KRCC1: variants seen among roughly 807,000 people sequenced by gnomAD.
The protein encoded by KRCC1 is lysine-rich coiled-coil protein 1.
Under a neutral mutation model 7.4 loss-of-function variants are expected in KRCC1, and 3 were observed. That is an observed-to-expected ratio of 0.40 (90% confidence interval 0.18 to 1.04). The LOEUF is 1.04. KRCC1 is among the 50% of genes least tolerant of loss of function. The pLI is 0.33. For missense variants in KRCC1, 277 were observed against 300.9 expected (o/e 0.92, Z 0.59); for synonymous variants, 102 against 101.6 (o/e 1.00, Z -0.02).
intron 1 of KRCC1, among the ~76,000 whole-genome samples, chr2:88,052,675 C>T (rs772922758): frequency 1.3e-5 from 2 of 152,194 alleles, no homozygotes; most frequent in Non-Finnish European, 2.9e-5. Context: ...GCTAGGTGCA[C>T]ACGACTACCA....
At chr2:88,033,229 C>A (rs1673028616) in intron 3 of KRCC1, among the ~76,000 whole-genome samples, 1 of 151,734 alleles carries the variant, frequency 6.6e-6, no homozygotes, top group Admixed American at 6.6e-5. Flanking sequence ...GCTGTTTTTA[C>A]AAAGTCACTA....
chr2:88,041,510 T>C (rs1673210030), intron 1 of KRCC1, among the ~76,000 whole-genome samples: 1 of 152,334 alleles, frequency 6.6e-6, no homozygotes, highest in Non-Finnish European at 1.5e-5. Flanking sequence ...CTATGTCAAG[T>C]TGGGTTTAAA....
At chr2:88,040,360 A>G (rs906450330) in intron 1 of KRCC1, among the ~76,000 whole-genome samples, 1 of 152,170 alleles carries the variant, frequency 6.6e-6, no homozygotes, top group Non-Finnish European at 1.5e-5. Context: ...TTCAATACCT[A>G]TAACATTATT....
rs1016754323 is a variant in KRCC1 at position 88,055,650 on chromosome 2, CT to C, written c.-316del. 16 of 152,274 alleles carry C rather than the reference CT, an allele frequency of 1.1e-4. No individual in the cohort carries two copies. The highest frequency in any genetic ancestry group is 3.6e-4 in the African/African-American group (15 of 41,404). 9.4% of individuals were successfully genotyped at this position (152,274 alleles called of 1,614,324 possible). On this transcript the variant is annotated 5_prime_UTR_variant, in exon 1 of 4. Transcript: ENST00000347055. Reference sequence around the variant, plus strand: ...CCTTCTCTGAGGCAGGGGCGGGCGTCTACAACTACTGTCCCCCGCCCCGCCA... The same window carrying C: ...CCTTCTCTGAGGCAGGGGCGGGCGTCACAACTACTGTCCCCCGCCCCGCCA...
At chr2:88,039,865 T>C (rs1254907329) in intron 1 of KRCC1, among the ~76,000 whole-genome samples, 2 of 152,024 alleles carry the variant, frequency 1.3e-5, no homozygotes, top group Non-Finnish European at 2.9e-5. Context: ...TGATGGTGAC[T>C]TTTCCATTAA....
chr2:88,034,090 G>T (rs1268095588), intron 3 of KRCC1, 44 bp downstream of exon 3: 1 of 152,616 alleles, frequency 6.6e-6, no homozygotes, highest in Non-Finnish European at 1.5e-5. Context: ...AAGGACCACA[G>T]ATGGCACAGA....
intron 1 of KRCC1, among the ~76,000 whole-genome samples, chr2:88,040,544 G>C (rs964922021): frequency 6.6e-6 from 1 of 152,072 alleles, no homozygotes; most frequent in Non-Finnish European, 1.5e-5. Context: ...TTTTACTTTT[G>C]CAAGAATTTC....
chr2:88,038,288 A>C (rs888777974), intron 1 of KRCC1, among the ~76,000 whole-genome samples: 1 of 152,206 alleles, frequency 6.6e-6, no homozygotes, highest in African/African-American at 2.4e-5. Flanking sequence ...CCAGACCTCA[A>C]GTAAAGAGCC....
intron 1 of KRCC1, among the ~76,000 whole-genome samples, chr2:88,038,937 C>T (rs920256802): frequency 1.3e-5 from 2 of 152,146 alleles, no homozygotes; most frequent in African/African-American, 4.8e-5. Context: ...CAAAGCCTAA[C>T]CATATTACAT....
chr2:88,051,031 C>T lies in KRCC1; in HGVS notation c.-291+4595G>A, dbSNP rs192418138. 2.5e-4 allele frequency among the ~76,000 whole-genome samples: 38 copies of T among 151,580 alleles called. 1 individual carries two copies. Among genetic ancestry groups the T allele is most frequent in the Middle Eastern group, 6.8e-3 (2 of 294 alleles). On this transcript the variant is annotated intron_variant, in intron 1 of 3. Transcript: ENST00000347055. Reference sequence around the variant, plus strand: ...CTCGACCTCCTGGATTCAAGCAGTCCTCCTACCTCAGCCTCCCAAGTAGCT... The same window carrying T: ...CTCGACCTCCTGGATTCAAGCAGTCTTCCTACCTCAGCCTCCCAAGTAGCT...
intron 1 of KRCC1, among the ~76,000 whole-genome samples, chr2:88,054,865 A>G (rs1012191941): frequency 6.6e-6 from 1 of 152,164 alleles, no homozygotes; most frequent in Non-Finnish European, 1.5e-5. Flanking sequence ...GCTACTCCGG[A>G]GGCTGAGGCA....
At chr2:88,045,469 A>G (rs955665382) in intron 1 of KRCC1, among the ~76,000 whole-genome samples, 5 of 152,210 alleles carry the variant, frequency 3.3e-5, no homozygotes, top group African/African-American at 1.2e-4. Context: ...CAGACATGAA[A>G]GAGTATCTAC....
chr2:88,054,588 G>A (rs370428982), intron 1 of KRCC1, among the ~76,000 whole-genome samples: 1 of 152,064 alleles, frequency 6.6e-6, no homozygotes, highest in South Asian at 2.1e-4. Context: ...GCCTACTTGC[G>A]TTTTTACAAT....
At chr2:88,047,271 CAG>C (rs1176584456) in intron 1 of KRCC1, among the ~76,000 whole-genome samples, 1 of 151,956 alleles carries the variant, frequency 6.6e-6, no homozygotes. Context: ...ATTTAAAGAA[CAG>C]GGCCTTGCTA....
chr2:88,029,837 A>T (rs1394581413), intron 3 of KRCC1, among the ~76,000 whole-genome samples: 4 of 93,200 alleles, frequency 4.3e-5, no homozygotes, highest in Admixed American at 1.5e-4. Context: ...TATATATAAA[A>T]AAATATATAT....
rs780493320 is a variant in KRCC1 at position 88,028,547 on chromosome 2, T to G, written c.17A>C (p.Lys6Thr). The change falls in exon 4 of 4, where the codon AAG (lysine) becomes ACG (threonine). Residue 6 changes from lysine to threonine, a missense_variant. Physicochemically the swap from Lys to Thr is moderately conservative, Grantham distance 78 (BLOSUM62 -1). Coordinates refer to ENST00000347055, the MANE Select transcript of KRCC1 (RefSeq NM_016618.3). MKHSK[K>T]TYDSFQDELE... ...TTCATCTTGAAAAGAGTCATATGTC[T>G]TCTTTGAATGCTTCATTAGGTTGAC... The G allele has an allele frequency of 6.2e-7, 1 of 1,609,672 alleles. No individual in the cohort carries two copies. Among genetic ancestry groups the G allele is most frequent in the Admixed American group, 1.7e-5 (1 of 59,256 alleles).
chr2:88,054,543 T>A (rs1014544714), intron 1 of KRCC1, among the ~76,000 whole-genome samples: 2 of 152,196 alleles, frequency 1.3e-5, no homozygotes, highest in African/African-American at 4.8e-5. Context: ...GATAGTATTT[T>A]ATCTTAGATA....
intron 2 of KRCC1, among the ~76,000 whole-genome samples, chr2:88,035,225 G>A (rs1673069434): frequency 6.6e-6 from 1 of 152,154 alleles, no homozygotes; most frequent in Admixed American, 6.5e-5. Flanking sequence ...GAGACTACCA[G>A]TTGCCTTCCA....
chr2:88,048,829 T>A (rs905963115), intron 1 of KRCC1, among the ~76,000 whole-genome samples: 2 of 152,222 alleles, frequency 1.3e-5, no homozygotes, highest in Non-Finnish European at 2.9e-5. Flanking sequence ...CAGCACTAAA[T>A]TTTGGGAGAC....
Sources: gnomAD v4.1 joint callset for allele counts (sites outside exome capture counted in the v4.1 genomes callset) on GRCh38, gnomAD v4.1.1 for gene constraint, MANE v1.5 for transcripts, NCBI Gene and HGNC (gene_info 2026-07-23, HGNC 2026-07-21) for gene names.